The following MEIS2 variants were observed in gnomAD, a reference collection of about 807,000 sequenced individuals.
The protein encoded by MEIS2 is homeobox protein Meis2.
MEIS2 carries 9 observed loss-of-function variants against 58.6 expected under a neutral mutation model. The ratio of observed to expected loss-of-function variants is 0.15; its 90% CI spans 0.09 to 0.27. The LOEUF (loss-of-function observed/expected upper bound fraction) is 0.27. MEIS2 is among the 10% of genes least tolerant of loss of function. MEIS2 has a pLI of 1.00. For missense variants in MEIS2, 427 were observed against 635.0 expected, an observed-to-expected ratio of 0.67 and a Z score of 3.52; for synonymous variants, 221 against 228.4, an observed-to-expected ratio of 0.97 and a Z score of 0.29.
chr15:37,060,650 C>T (rs1889084492), intron 7 of MEIS2, among the ~76,000 whole-genome samples: 1 of 152,032 alleles, frequency 6.6e-6, no homozygotes, highest in African/African-American at 2.4e-5. Context: ...CTGAACTTTT[C>T]AAATAAGACT....
intron 9 of MEIS2, 68 bp downstream of exon 9, chr15:36,950,256 G>C (rs759461240): frequency 1.2e-5 from 16 of 1,302,954 alleles, no homozygotes; most frequent in Non-Finnish European, 1.6e-5. Flanking sequence ...AAAAAAAAGA[G>C]AGAAAACCAT....
chr15:36,997,593 T>A lies in MEIS2; in HGVS notation c.900+39221A>T, dbSNP rs577557155. 2.0e-5 allele frequency among the ~76,000 whole-genome samples: 3 copies of A among 151,858 alleles called. No homozygotes were observed. The East Asian group carries it at 5.8e-4, about 30-fold the overall frequency. On this transcript the variant is annotated intron_variant, in intron 8 of 11. Transcript: ENST00000561208. ...GCTCCATCTTCTGGGTTCACGCCAT[T>A]CTCCTGCCTTGGAGTAGCTGGGACT...
At chr15:37,079,468 C>T (rs2141901480) in intron 7 of MEIS2, among the ~76,000 whole-genome samples, 1 of 152,168 alleles carries the variant, frequency 6.6e-6, no homozygotes, top group Non-Finnish European at 1.5e-5. Context: ...CCCAGTAGAA[C>T]ATATTCAGGA....
chr15:36,947,737 C>T lies in MEIS2; in HGVS notation c.977+2587G>A, dbSNP rs561846297. The stretch of plus-strand genomic sequence containing the variant: ...TGAATGAGTTTGTTTAGGAACTACA[C>T]TCTGATCCCCTCTGCTTTTTGACTG... On this transcript the variant is annotated intron_variant, in intron 9 of 11. Transcript: ENST00000561208. Among the ~76,000 whole-genome samples the T allele has an allele frequency of 2.6e-5, 4 of 152,034 alleles. No homozygotes were observed. In the South Asian group the frequency reaches 8.3e-4, roughly 31 times the overall value.
chr15:36,894,803 C>G (rs1408991576), intron 11 of MEIS2: 1 of 1,611,832 alleles, frequency 6.2e-7, no homozygotes, highest in Admixed American at 1.7e-5. Context: ...GCCCATTCCA[C>G]TCATAGGTCC....
chr15:36,898,403 C>T (rs962485574), intron 9 of MEIS2: 2 of 152,254 alleles, frequency 1.3e-5, no homozygotes, highest in African/African-American at 4.8e-5. Flanking sequence ...TCAGAGAAGG[C>T]TCTTCTCCTT....
At chr15:37,044,729 C>T (rs2062589343) in intron 7 of MEIS2, among the ~76,000 whole-genome samples, 1 of 152,214 alleles carries the variant, frequency 6.6e-6, no homozygotes, top group Admixed American at 6.5e-5. Flanking sequence ...GCTATGCTCT[C>T]TACTTCTTCA....
intron 8 of MEIS2, among the ~76,000 whole-genome samples, chr15:36,983,417 G>A (rs1490262771): frequency 6.6e-6 from 1 of 151,968 alleles, no homozygotes; most frequent in Admixed American, 6.6e-5. Context: ...TTTCCTCATT[G>A]TGTGTTCTTG....
At chr15:37,090,107 T>C (rs907507320) in intron 6 of MEIS2, among the ~76,000 whole-genome samples, 4 of 152,126 alleles carry the variant, frequency 2.6e-5, no homozygotes, top group Non-Finnish European at 5.9e-5. Context: ...TCGACTATTA[T>C]ATATTTTTTT....
At chr15:36,932,782 T>C (rs1432434805) in intron 9 of MEIS2, among the ~76,000 whole-genome samples, 2 of 152,150 alleles carry the variant, frequency 1.3e-5, no homozygotes, top group Non-Finnish European at 2.9e-5. Flanking sequence ...GGTTCAGAAC[T>C]AGTATATTAC....
rs1307079282 is a variant in MEIS2, at chr15:36,891,435, C to T, written c.*738G>A. On this transcript the variant is annotated 3_prime_UTR_variant, in exon 12 of 12. Coordinates refer to ENST00000561208, the MANE Select transcript of MEIS2 (RefSeq NM_170675.5). ...TTTTTTTGTGTTGAGGAAAGCTGCC[C>T]AACTTAAGATTGTTTTGTCCACAAC... 1 of 152,454 alleles carries T rather than the reference C, an allele frequency of 6.6e-6. No homozygotes were observed. The highest frequency in any genetic ancestry group is 1.9e-4 in the East Asian group (1 of 5,186). 9.4% of individuals were successfully genotyped at this position (152,454 alleles called of 1,614,324 possible).
chr15:36,909,212 T>G (rs1313648242), intron 9 of MEIS2, among the ~76,000 whole-genome samples: 2 of 152,098 alleles, frequency 1.3e-5, no homozygotes, highest in Admixed American at 1.3e-4. Context: ...CAAAGTCTGA[T>G]TAAGAAGCAC....
At chr15:37,027,334 C>A (rs2061741037) in intron 8 of MEIS2, among the ~76,000 whole-genome samples, 1 of 152,186 alleles carries the variant, frequency 6.6e-6, no homozygotes, top group African/African-American at 2.4e-5. Flanking sequence ...ATGACCCTAT[C>A]CTGCAGCAAA....
intron 8 of MEIS2, among the ~76,000 whole-genome samples, chr15:37,029,692 C>T (rs111644989): frequency 0.011 from 1,729 of 152,252 alleles, 18 homozygotes; most frequent in Non-Finnish European, 0.018. Flanking sequence ...AACATCTGTG[C>T]AGCACGTTAC....
At chr15:36,906,744 C>T (rs1305564914) in intron 9 of MEIS2, among the ~76,000 whole-genome samples, 1 of 151,506 alleles carries the variant, frequency 6.6e-6, no homozygotes, top group Admixed American at 6.6e-5. Context: ...TTCCAAGCTA[C>T]ATGAATATTC....
chr15:37,005,571 CT>C lies in MEIS2; in HGVS notation c.900+31242del, dbSNP rs986090128. Among the ~76,000 whole-genome samples, 8 of 149,598 alleles carry C rather than the reference CT, an allele frequency of 5.3e-5. 1 individual carries two copies. The highest frequency in any genetic ancestry group is 4.2e-4 in the South Asian group (2 of 4,712). On this transcript the variant is annotated intron_variant, in intron 8 of 11. Coordinates refer to ENST00000561208, the MANE Select transcript of MEIS2 (RefSeq NM_170675.5). ...GCCAGTCCTACCCATCATGATGGAA[CT>C]TTTTTTTTTGAGATAAGGTCTCCCT...
intron 7 of MEIS2, among the ~76,000 whole-genome samples, chr15:37,070,620 G>A (rs771933529): frequency 6.6e-6 from 1 of 152,002 alleles, no homozygotes; most frequent in Non-Finnish European, 1.5e-5. Flanking sequence ...CTGTTTGTTT[G>A]TTCATTTAAA....
intron 6 of MEIS2, among the ~76,000 whole-genome samples, chr15:37,087,077 AG>A (rs1405618832): frequency 3.9e-5 from 6 of 152,180 alleles, no homozygotes; most frequent in Admixed American, 3.9e-4. Context: ...GACATACAAA[AG>A]CATGTAAAAA....
At position 37,098,213 on chromosome 15, in the gene MEIS2, G is replaced by A. The variant is rs970947165; in HGVS notation, c.13-14C>T. The A allele has an allele frequency of 6.3e-7, 1 of 1,575,102 alleles. No individual in the cohort carries two copies. Among genetic ancestry groups the A allele is most frequent in the African/African-American group, 1.3e-5 (1 of 74,338 alleles). ...CAGCTCATCGTACTGTCAGAACCCG[G>A]GAAGGGGGAGGGGGCGCAGGAGGTG... On this transcript the variant is annotated splice_polypyrimidine_tract_variant and intron_variant, in intron 1 of 11. Transcript: ENST00000561208.
Sources: gnomAD v4.1 joint callset for allele counts (sites outside exome capture counted in the v4.1 genomes callset) on GRCh38, gnomAD v4.1.1 for gene constraint, MANE v1.5 for transcripts, NCBI Gene and HGNC (gene_info 2026-07-23, HGNC 2026-07-21) for gene names.